COL5A3: variants seen among roughly 807,000 people sequenced by gnomAD.
COL5A3 encodes collagen type V alpha 3 chain.
A neutral mutation model predicts 250.0 loss-of-function variants in COL5A3; 172 were observed. That is an observed-to-expected ratio of 0.69 (90% CI 0.61 to 0.78). The LOEUF (loss-of-function observed/expected upper bound fraction) is 0.78. Among genes scored for constraint, COL5A3 ranks in the 30% least tolerant of loss-of-function variants. The probability of loss-of-function intolerance (pLI) is 0.00; values close to 1 mark genes in which losing one functional copy is unlikely to be tolerated. For synonymous variants in COL5A3, 937 were observed against 900.4 expected, an observed-to-expected ratio of 1.04 and a Z score of -0.73; for missense variants, 2,340 against 2,334.4, an observed-to-expected ratio of 1.00 and a Z score of -0.05.
intron 31 of COL5A3, among the ~76,000 whole-genome samples, chr19:9,982,411 C>T (rs996077352): frequency 1.3e-5 from 2 of 152,174 alleles, no homozygotes; most frequent in African/African-American, 2.4e-5. Context: ...ATTCAGATGT[C>T]ACCTCCTTAG....
rs1449587680 is a variant in COL5A3, at chr19:10,010,335, G to C, written c.51C>G (p.Leu17=). 1.4e-6 allele frequency: 2 copies of C among 1,470,780 alleles called. No individual in the cohort carries two copies. Among genetic ancestry groups the C allele is most frequent in the Non-Finnish European group, 1.8e-6 (2 of 1,108,160 alleles). 91.1% of individuals were successfully genotyped at this position (1,470,780 alleles called of 1,614,324 possible). ...CCGGCAGAAGCTGCAGCGCGGCCAG[G>C]AGCAGGCAGAGACCGGCCCGCGGCT... ...LGQPRAGLCL[L]LAALQLLPGT... The change falls in exon 1 of 67, where the codon CTC becomes CTG. Residue 17 remains leucine, a synonymous_variant. Coordinates refer to ENST00000264828, the MANE Select transcript of COL5A3 (RefSeq NM_015719.4).
intron 61 of COL5A3, 73 bp from the exon 62 acceptor site, chr19:9,967,473 ACACACACACT>A (rs1361001624): frequency 1.8e-5 from 18 of 1,004,456 alleles, no homozygotes; most frequent in Admixed American, 1.5e-4. Context: ...ACACAAACAC[ACACACACACT>A]CACACACACA....
At chr19:10,001,136 T>G (rs1410443917) in intron 8 of COL5A3, among the ~76,000 whole-genome samples, 1 of 152,070 alleles carries the variant, frequency 6.6e-6, no homozygotes, top group Non-Finnish European at 1.5e-5. Context: ...ATTAAATAAT[T>G]TTTTTAAATT....
chr19:9,996,242 A>T lies in COL5A3; in HGVS notation c.1443T>A (p.Pro481=), dbSNP rs761552182. The change falls in exon 14 of 67, where the codon CCT becomes CCA. Residue 481 remains proline (P), a synonymous_variant. Transcript: ENST00000264828. ...GGCGCCCAGTGAGCCCCACTGGACCAGGGGGGCCTTTCATAGAGAGCTGGA... is the reference window on the plus strand; with the variant it reads ...GGCGCCCAGTGAGCCCCACTGGACCTGGGGGGCCTTTCATAGAGAGCTGGA... ...QQTQLSMKGP[P]GPVGLTGRPG... 6.3e-7 allele frequency: 1 copy of T among 1,576,112 alleles called. No homozygotes were observed. Among genetic ancestry groups the T allele is most frequent in the Admixed American group, 1.9e-5 (1 of 52,228 alleles).
Position 9,968,638 on chromosome 19 carries a change from G to A in COL5A3, c.4206+37C>T. ...GCCAGGGAGGGAGGGAAAGAGGGGA[G>A]GAGATGGGGAAGAGAATAATGGAAT... is the stretch of plus-strand genomic sequence containing the variant. On this transcript the variant is annotated intron_variant, in intron 58 of 66. Transcript: ENST00000264828. This position sits in a 1 kb window ranked among gnomAD's most constrained non-coding sequence, Gnocchi z 4.1. 2 of 1,604,150 alleles carry A rather than the reference G, an allele frequency of 1.2e-6. No homozygotes were observed. The highest frequency in any genetic ancestry group is 8.5e-7 in the Non-Finnish European group (1 of 1,173,374).
rs779775517 is a variant in COL5A3, at chr19:9,974,139, T to TC, written c.3504+31dup. On this transcript the variant is annotated intron_variant, in intron 47 of 66. Coordinates refer to ENST00000264828, the MANE Select transcript of COL5A3 (RefSeq NM_015719.4). Reference sequence around the variant, plus strand: ...CCGCCAACCTATAACCCCACCATCCTCCCCCTCCCACCTTCCTCTGGGAGT... The same window carrying TC: ...CCGCCAACCTATAACCCCACCATCCTCCCCCCTCCCACCTTCCTCTGGGAGT... The TC allele has an allele frequency of 1.9e-6, 3 of 1,603,516 alleles. No homozygotes were observed. In the Admixed American group the frequency reaches 5.1e-5, roughly 27 times the overall value.
chr19:9,996,787 G>A, intron 11 of COL5A3, 98 bp from the exon 12 acceptor site: 1 of 845,432 alleles, frequency 1.2e-6, no homozygotes, highest in Non-Finnish European at 1.8e-6. Context: ...GAAAGAGAGA[G>A]AGAGGGAGAG....
At chr19:9,986,233 G>A in intron 30 of COL5A3, 82 bp downstream of exon 30, 1 of 973,444 alleles carries the variant, frequency 1.0e-6, no homozygotes, top group Non-Finnish European at 1.5e-6. Flanking sequence ...GAGGTCGAAG[G>A]TATAATAAAA....
chr19:9,985,889 G>T lies in COL5A3; in HGVS notation c.2359C>A (p.Leu787Ile). The T allele has an allele frequency of 1.2e-6, 2 of 1,614,024 alleles. No individual in the cohort carries two copies. The highest frequency in any genetic ancestry group is 1.7e-6 in the Non-Finnish European group (2 of 1,179,956). The change falls in exon 31 of 67, where the codon CTT becomes ATT. Residue 787 changes from leucine to isoleucine, a missense_variant. Physicochemically the swap from Leu to Ile is conservative, Grantham distance 5. Transcript: ENST00000264828. ...PPGSAGEKGK[L>I]GVPGLPGYPG... ...TAACCTGGGAGGCCTGGCACCCCAA[G>T]CTTGCCCTGCAGAAAGGTTATGGGA... is the stretch of plus-strand genomic sequence containing the variant.
rs968109533 is a variant in COL5A3, at chr19:9,980,947, G to C, written c.2506-88C>G. 11 of 1,511,260 alleles carry C rather than the reference G, an allele frequency of 7.3e-6. No homozygotes were observed. In the African/African-American group the frequency reaches 1.4e-4, roughly 19 times the overall value. 93.6% of individuals were successfully genotyped at this position (1,511,260 alleles called of 1,614,324 possible). On this transcript the variant is annotated intron_variant, in intron 33 of 66. Transcript: ENST00000264828. ...CAAGTCTTCCAGGTCCCCTCCCCTT[G>C]TGACTCCCTCTCCTGCCCGACCAGG...
chr19:9,986,009 C>T (rs1359206757), intron 30 of COL5A3, 114 bp from the exon 31 acceptor site: 6 of 948,284 alleles, frequency 6.3e-6, no homozygotes, highest in Non-Finnish European at 1.0e-5. Context: ...GTTGGGGAAA[C>T]GAGGTTCAAG....
At chr19:9,978,850 T>G in intron 40 of COL5A3, 41 bp downstream of exon 40, 7 of 1,187,656 alleles carry the variant, frequency 5.9e-6, no homozygotes, top group African/African-American at 1.6e-5. Context: ...CATCCTTTCC[T>G]TCTCTAAGGG....
Position 9,970,015 on chromosome 19 carries a change from T to TG in COL5A3, c.3937-94dup, listed in dbSNP as rs148114632. On this transcript the variant is annotated intron_variant, in intron 54 of 66. Transcript: ENST00000264828. ...GGGTGACTGGGGGGTTATGGATGAG[T>TG]GGGGTCTGTAAGGTGAGTGGGGTCT... 6,735 of 735,876 alleles carry TG rather than the reference T, an allele frequency of 9.2e-3. 836 individuals are homozygous for TG. The African/African-American group carries it at 0.15, about 16-fold the overall frequency. The allele number at this position is 735,876 out of a possible 1,614,324, so 45.6% of individuals were successfully genotyped here. A position where few individuals can be genotyped will look rare whatever the true frequency, so the allele number is the denominator to read the frequency against.
At position 9,993,666 on chromosome 19, in the gene COL5A3, G is replaced by C; in HGVS notation, c.1648C>G (p.Arg550Gly). 6.2e-7 allele frequency: 1 copy of C among 1,614,056 alleles called. No individual in the cohort carries two copies. Among genetic ancestry groups the C allele is most frequent in the Non-Finnish European group, 8.5e-7 (1 of 1,180,016 alleles). The stretch of plus-strand genomic sequence containing the variant: ...AGCCCAGGGAGGCCATCGAAGCCAC[G>C]ATCACCCTGTCCAGAGACACCAGTG... ...LPGDTGPKGD[R>G]GFDGLPGLPG... Residue 550 changes from arginine to glycine, a missense_variant, in exon 18 of 67, where the codon CGT becomes GGT. By Grantham distance (125) the Arg-to-Gly change is moderately radical. This residue lies in a region of COL5A3 where 1,152 missense variants were observed against 1,146.3 expected (regional missense o/e 1.00). Coordinates refer to ENST00000264828, the MANE Select transcript of COL5A3 (RefSeq NM_015719.4).
At chr19:9,975,439 G>C (rs1255551726) in intron 45 of COL5A3, among the ~76,000 whole-genome samples, 1 of 152,116 alleles carries the variant, frequency 6.6e-6, no homozygotes, top group African/African-American at 2.4e-5. Context: ...GACTGGGGCT[G>C]AAGTGGGGGT....
rs1001364807 is a variant in COL5A3, at chr19:10,008,394, G to A, written c.88+1904C>T. Among the ~76,000 whole-genome samples, 3 of 146,852 alleles carry A rather than the reference G, an allele frequency of 2.0e-5. No homozygotes were observed. In the Admixed American group the frequency reaches 2.0e-4, roughly 10 times the overall value. On this transcript the variant is annotated intron_variant, in intron 1 of 66. Transcript: ENST00000264828. The stretch of plus-strand genomic sequence containing the variant: ...CCTTTCTTTTCACAGCTGGCATTAT[G>A]ACAAAAAGGCACACAAGCTGCATTG...
rs1476675642 is a variant in COL5A3 at position 9,980,859 on chromosome 19, C to G, written c.2506G>C (p.Gly836Arg). The G allele has an allele frequency of 1.2e-6, 2 of 1,608,028 alleles. No homozygotes were observed. Among genetic ancestry groups the G allele is most frequent in the African/African-American group, 1.3e-5 (1 of 74,612 alleles). Residue 836 changes from glycine (G) to arginine (R), a missense_variant and splice_region_variant, in exon 34 of 67, where the codon GGT (glycine) becomes CGT (arginine). Gly to Arg is a moderately radical substitution (Grantham distance 125). Coordinates refer to ENST00000264828, the MANE Select transcript of COL5A3 (RefSeq NM_015719.4). Reference protein sequence around the residue: ...PGLEGERGPPGSRGERGQPGA... With the variant: ...PGLEGERGPPRSRGERGQPGA... Reference sequence around the variant, plus strand: ...GGTTGCCCCCTCTCTCCACGGGAACCCTGAACAAAAAAAAAAGGCAAAGAT... The same window carrying G: ...GGTTGCCCCCTCTCTCCACGGGAACGCTGAACAAAAAAAAAAGGCAAAGAT...
rs779920514 is a variant in COL5A3, at chr19:9,979,195, T to C, written c.2811A>G (p.Pro937=). Residue 937 remains proline, a synonymous_variant, in exon 39 of 67, where the codon CCA becomes CCG. Coordinates refer to ENST00000264828, the MANE Select transcript of COL5A3 (RefSeq NM_015719.4). ...GTTCACCAGGAGGTCCAGGGGGGCC[T>C]GGAGGCCCCCTTTCACCTAGAGGTC... The part of the protein sequence containing the change: ...EVGPLGERGP[P]GPPGPPGEQG... 1 of 1,603,712 alleles carries C rather than the reference T, an allele frequency of 6.2e-7. No homozygotes were observed. The highest frequency in any genetic ancestry group is 8.5e-7 in the Non-Finnish European group (1 of 1,177,090).
At position 9,997,438 on chromosome 19, in the gene COL5A3, TG is replaced by T; in HGVS notation, c.1201-6del. The T allele has an allele frequency of 6.3e-7, 1 of 1,598,494 alleles. No individual in the cohort carries two copies. Among genetic ancestry groups the T allele is most frequent in the Non-Finnish European group, 8.5e-7 (1 of 1,172,904 alleles). On this transcript the variant is annotated splice_polypyrimidine_tract_variant and splice_region_variant and intron_variant, in intron 10 of 66. Transcript: ENST00000264828. ...GCCTGAGGGGCCAACCACCCCCTGT[TG>T]GGGACAGAGAAACAGGAGTCACAGG...
Sources: allele counts gnomAD v4.1 joint callset (sites outside exome capture counted in the v4.1 genomes callset), GRCh38; gene constraint gnomAD v4.1.1; regional missense constraint gnomAD v4.1.1; non-coding constraint Gnocchi (gnomAD v3.1); transcripts MANE v1.5; gene names NCBI Gene and HGNC (gene_info 2026-07-23, HGNC 2026-07-21).